Variants in SCN8A observed in about 807,000 individuals in gnomAD.
SCN8A encodes sodium channel protein type 8 subunit alpha.
In SCN8A, 30 loss-of-function variants were observed where a neutral mutation model predicts 184.1. That is an observed-to-expected ratio of 0.16 (90% CI 0.12 to 0.22). The LOEUF is 0.22. Among genes scored for constraint, SCN8A ranks in the 10% least tolerant of loss-of-function variants. SCN8A has a pLI of 1.00. For synonymous variants in SCN8A, 852 were observed against 907.0 expected (o/e 0.94, Z 1.09); for missense variants, 1,057 against 2,498.9 (o/e 0.42, Z 12.30).
chr12:51,798,855 G>A (rs1315945050), intron 26 of SCN8A, among the ~76,000 whole-genome samples: 1 of 152,200 alleles, frequency 6.6e-6, no homozygotes, highest in African/African-American at 2.4e-5. Flanking sequence ...CACCAATCAT[G>A]CTTCTTTGAA....
At chr12:51,718,075 A>G (rs1941994253) in intron 11 of SCN8A, among the ~76,000 whole-genome samples, 1 of 152,238 alleles carries the variant, frequency 6.6e-6, no homozygotes, top group South Asian at 2.1e-4. Flanking sequence ...TTTGTACATT[A>G]CAAGAAGAGA....
chr12:51,750,509 G>A (rs1942579656), intron 13 of SCN8A, among the ~76,000 whole-genome samples: 1 of 152,126 alleles, frequency 6.6e-6, no homozygotes, highest in African/African-American at 2.4e-5. Flanking sequence ...AGAGGAGTGT[G>A]ACTTGTATTT....
intron 15 of SCN8A, 128 bp from the exon 16 acceptor site, chr12:51,765,543 G>A: frequency 1.6e-6 from 1 of 625,118 alleles, no homozygotes; most frequent in Non-Finnish European, 2.7e-6. Flanking sequence ...GACAGTCCTG[G>A]GAATTTTCCA....
At chr12:51,663,165 A>ACT (rs1940959752) in intron 2 of SCN8A, 72 bp downstream of exon 2, 1 of 1,536,044 alleles carries the variant, frequency 6.5e-7, no homozygotes, top group African/African-American at 1.4e-5. Flanking sequence ...GGGAGAAAGA[A>ACT]CTGTGTCTCT....
intron 11 of SCN8A, among the ~76,000 whole-genome samples, chr12:51,713,973 A>G (rs973902665): frequency 2.0e-5 from 3 of 151,836 alleles, no homozygotes; most frequent in Non-Finnish European, 2.9e-5. Flanking sequence ...ACCAAAAAAA[A>G]GGGTTTTTTT....
chr12:51,693,759 G>C (rs1941549095), intron 6 of SCN8A, among the ~76,000 whole-genome samples: 1 of 152,112 alleles, frequency 6.6e-6, no homozygotes, highest in South Asian at 2.1e-4. Context: ...CTAACTCTGG[G>C]AACAGGGCAG....
intron 12 of SCN8A, among the ~76,000 whole-genome samples, chr12:51,742,709 A>C (rs1942446671): frequency 6.6e-6 from 1 of 151,268 alleles, no homozygotes; most frequent in South Asian, 2.1e-4. Context: ...GGTGTTCTAT[A>C]ATCTTCTTGT....
chr12:51,738,636 C>G (rs1388871512), intron 12 of SCN8A, among the ~76,000 whole-genome samples: 1 of 152,226 alleles, frequency 6.6e-6, no homozygotes, highest in Non-Finnish European at 1.5e-5. Flanking sequence ...ATGGCACAAT[C>G]AGGAGCTGTG....
At chr12:51,800,549 G>A (rs1475670170) in intron 26 of SCN8A, among the ~76,000 whole-genome samples, 2 of 152,188 alleles carry the variant, frequency 1.3e-5, no homozygotes, top group Non-Finnish European at 2.9e-5. Context: ...CACCATAATA[G>A]GCCTCACACT....
intron 1 of SCN8A, among the ~76,000 whole-genome samples, chr12:51,625,918 A>T (rs147879136): frequency 6.6e-6 from 1 of 152,172 alleles, no homozygotes. Flanking sequence ...ATTTGTGGCC[A>T]TTGATGTAAT....
chr12:51,786,202 C>T (rs765867674), intron 21 of SCN8A, among the ~76,000 whole-genome samples: 25 of 152,030 alleles, frequency 1.6e-4, no homozygotes, highest in African/African-American at 5.8e-4. Flanking sequence ...TCATATTTTC[C>T]CATTGGGCAT....
Position 51,808,270 on chromosome 12 carries a change from C to T in SCN8A, c.*841C>T, listed in dbSNP as rs1938777092. ...GAGTTCTTAAAAGTCCTTCATACAC[C>T]TTCTGGGTAGGGAAACAACCAACTA... On this transcript the variant is annotated 3_prime_UTR_variant, in exon 27 of 27. Transcript: ENST00000627620. The T allele has an allele frequency of 6.6e-6, 1 of 152,592 alleles. No individual in the cohort carries two copies. The highest frequency in any genetic ancestry group is 6.5e-5 in the Admixed American group (1 of 15,272). The allele number at this position is 152,592 out of a possible 1,614,324, so 9.5% of individuals were successfully genotyped here. A position where few individuals can be genotyped will look rare whatever the true frequency, so the allele number is the denominator to read the frequency against.
chr12:51,611,903 C>A (rs1014928325), intron 1 of SCN8A, among the ~76,000 whole-genome samples: 2 of 152,104 alleles, frequency 1.3e-5, no homozygotes, highest in Middle Eastern at 3.2e-3. Flanking sequence ...TTGTTAAAGT[C>A]ACTTGTTCTA....
rs1592152268 is a variant in SCN8A at position 51,770,295 on chromosome 12, C to G, written c.3491-234C>G. 8 of 594,230 alleles carry G rather than the reference C, an allele frequency of 1.3e-5. No homozygotes were observed. In the East Asian group the frequency reaches 2.3e-4, roughly 17 times the overall value. 36.8% of individuals were successfully genotyped at this position (594,230 alleles called of 1,614,324 possible). On this transcript the variant is annotated intron_variant, in intron 18 of 26. Transcript: ENST00000627620. ...GACTACCCTTTTCTCCTCCCTCTCA[C>G]TGCTTCTTTGTAGGACATCTTCTTG...
intron 1 of SCN8A, among the ~76,000 whole-genome samples, chr12:51,636,231 C>T (rs537973019): frequency 6.6e-6 from 1 of 152,272 alleles, no homozygotes; most frequent in South Asian, 2.1e-4. Context: ...CTCCTGACCT[C>T]GTGATCCGCC....
At chr12:51,777,511 C>G (rs921482112) in intron 20 of SCN8A, among the ~76,000 whole-genome samples, 1 of 152,096 alleles carries the variant, frequency 6.6e-6, no homozygotes. Context: ...TTAAAGAATA[C>G]TTTAAGCAAT....
intron 26 of SCN8A, among the ~76,000 whole-genome samples, chr12:51,800,185 G>A (rs1277812468): frequency 2.0e-5 from 3 of 152,240 alleles, no homozygotes; most frequent in Non-Finnish European, 2.9e-5. Context: ...GGACCTTATG[G>A]ACAGGAATGG....
At chr12:51,750,673 T>C (rs544847591) in intron 13 of SCN8A, among the ~76,000 whole-genome samples, 1 of 152,358 alleles carries the variant, frequency 6.6e-6, no homozygotes, top group Admixed American at 6.5e-5. Context: ...TCCATGGCAC[T>C]TTCTATCTGC....
intron 1 of SCN8A, among the ~76,000 whole-genome samples, chr12:51,604,833 C>G (rs1216456309): frequency 1.3e-5 from 2 of 151,900 alleles, no homozygotes; most frequent in East Asian, 3.9e-4. Context: ...GTACCAGGCT[C>G]CAGTGTTTTT....
Sources: allele counts gnomAD v4.1 joint callset (sites outside exome capture counted in the v4.1 genomes callset), GRCh38; gene constraint gnomAD v4.1.1; transcripts MANE v1.5; gene names NCBI Gene and HGNC (gene_info 2026-07-23, HGNC 2026-07-21).